The following LIMCH1 variants were observed in gnomAD, a reference collection of about 807,000 sequenced individuals.
LIMCH1 encodes LIM and calponin homology domains-containing protein 1.
Under a neutral mutation model 176.5 loss-of-function variants are expected in LIMCH1, and 113 were observed. That is an observed-to-expected ratio of 0.64 (90% CI 0.55 to 0.75). LIMCH1 has a LOEUF of 0.75. Among genes scored for constraint, LIMCH1 ranks in the 30% least tolerant of loss-of-function variants. The probability of loss-of-function intolerance (pLI) is 0.00; values close to 1 mark genes in which losing one functional copy is unlikely to be tolerated. For missense variants in LIMCH1, 1,674 were observed against 1,814.9 expected (o/e 0.92, Z 1.41); for synonymous variants, 619 against 645.9 (o/e 0.96, Z 0.63).
chr4:41,506,241 T>G (rs1331037712), intron 2 of LIMCH1, among the ~76,000 whole-genome samples: 1 of 152,230 alleles, frequency 6.6e-6, no homozygotes, highest in Non-Finnish European at 1.5e-5. Context: ...AGAAATCTGT[T>G]GGCAAACACT....
chr4:41,471,402 G>T (rs1287518357), intron 1 of LIMCH1, among the ~76,000 whole-genome samples: 1 of 152,142 alleles, frequency 6.6e-6, no homozygotes, highest in Non-Finnish European at 1.5e-5. Context: ...ATATTTCAAA[G>T]CAAGGACTTG....
chr4:41,647,967 A>T (rs1473424438), intron 17 of LIMCH1, among the ~76,000 whole-genome samples: 2 of 152,222 alleles, frequency 1.3e-5, no homozygotes, highest in Non-Finnish European at 2.9e-5. Context: ...GGTGCCCAGG[A>T]CAGAGTAGGC....
rs1560359538 is a variant in LIMCH1, at chr4:41,681,024, A to T, written c.3682A>T (p.Thr1228Ser). ...VSSSSADQLS[T>S]SSSMTEGSGT... ...TTCAAGTTCCGCTGACCAGCTGTCT[A>T]CCTCTTCCTCCATGACTGAAGGCAG... is the stretch of plus-strand genomic sequence containing the variant. Residue 1228 changes from threonine (T) to serine (S), a missense_variant, in exon 25 of 32, where the codon ACC becomes TCC. By Grantham distance (58) the Thr-to-Ser change is moderately conservative. Coordinates refer to ENST00000503057, the MANE Select transcript of LIMCH1 (RefSeq NM_001330672.2). 6.2e-7 allele frequency: 1 copy of T among 1,612,198 alleles called. No individual in the cohort carries two copies.
At chr4:41,385,388 GA>G (rs1350709384) in intron 1 of LIMCH1, among the ~76,000 whole-genome samples, 1 of 152,134 alleles carries the variant, frequency 6.6e-6, no homozygotes, top group South Asian at 2.1e-4. Flanking sequence ...TGATAATTTA[GA>G]TTTTTTTTCT....
At chr4:41,450,955 T>C (rs985797181) in intron 1 of LIMCH1, among the ~76,000 whole-genome samples, 1 of 152,124 alleles carries the variant, frequency 6.6e-6, no homozygotes, top group Non-Finnish European at 1.5e-5. Context: ...ATAGAGGAAG[T>C]GTAGAAGCTG....
chr4:41,591,105 G>C (rs2087467230), intron 1 of LIMCH1, among the ~76,000 whole-genome samples: 3 of 152,130 alleles, frequency 2.0e-5, no homozygotes, highest in Admixed American at 1.3e-4. Context: ...CATTATTGTT[G>C]GTTATGGGTT....
chr4:41,668,383 G>T (rs1002977358), intron 21 of LIMCH1, among the ~76,000 whole-genome samples: 7 of 152,194 alleles, frequency 4.6e-5, no homozygotes, highest in Non-Finnish European at 1.0e-4. Flanking sequence ...GCCAGCAAAT[G>T]GCCATATTTG....
rs1209259800 is a variant in LIMCH1 at position 41,626,884 on chromosome 4, C to G, written c.902C>G (p.Thr301Ser). ...FAARRARMNQ[T>S]KPMVPLNQLL... ...GCAAGGAGAGCAAGGATGAACCAAA[C>G]CAAGCCAATGGTGCCATTAAATCAA... The change falls in exon 8 of 32, where the codon ACC becomes AGC. Residue 301 changes from threonine to serine, a missense_variant. Thr to Ser is a moderately conservative substitution (Grantham distance 58, BLOSUM62 1). Transcript: ENST00000503057. 2 of 1,536,016 alleles carry G rather than the reference C, an allele frequency of 1.3e-6. No homozygotes were observed. The highest frequency in any genetic ancestry group is 1.7e-6 in the Non-Finnish European group (2 of 1,146,920).
chr4:41,665,128 C>G (rs780084656), intron 20 of LIMCH1, among the ~76,000 whole-genome samples: 1 of 152,118 alleles, frequency 6.6e-6, no homozygotes, highest in Non-Finnish European at 1.5e-5. Context: ...AGATAAAGGG[C>G]GAATGGTGGC....
intron 1 of LIMCH1, among the ~76,000 whole-genome samples, chr4:41,422,205 G>A (rs541637189): frequency 6.6e-5 from 10 of 152,236 alleles, no homozygotes; most frequent in Non-Finnish European, 1.0e-4. Flanking sequence ...CCTTAACAAT[G>A]GGTATCACCT....
intron 1 of LIMCH1, among the ~76,000 whole-genome samples, chr4:41,403,298 A>G (rs1467151788): frequency 1.3e-5 from 2 of 152,098 alleles, no homozygotes; most frequent in Non-Finnish European, 2.9e-5. Context: ...GGGACCCATC[A>G]CGCCGGGCAC....
In LIMCH1 at chr4:41,633,748, C is replaced by T; in HGVS notation, c.2030C>T (p.Pro677Leu). ...GSNPNQFLPV[P>L]FAKQQDVEES... ...AACCCAAACCAGTTCCTTCCAGTTC[C>T]ATTTGCAAAGCAACAGGATGTGGAA... The change falls in exon 13 of 32, where the codon CCA becomes CTA. Residue 677 changes from proline to leucine, a missense_variant. By Grantham distance (98) the Pro-to-Leu change is moderately conservative. Coordinates refer to ENST00000503057, the MANE Select transcript of LIMCH1 (RefSeq NM_001330672.2). 2 of 1,536,178 alleles carry T rather than the reference C, an allele frequency of 1.3e-6. No homozygotes were observed. Among genetic ancestry groups the T allele is most frequent in the Non-Finnish European group, 1.7e-6 (2 of 1,146,908 alleles).
chr4:41,610,156 T>C (rs2091258172), intron 4 of LIMCH1, among the ~76,000 whole-genome samples: 1 of 152,196 alleles, frequency 6.6e-6, no homozygotes, highest in African/African-American at 2.4e-5. Flanking sequence ...CCCATAACTA[T>C]CTGTGAGAAA....
At position 41,491,578 on chromosome 4, in the gene LIMCH1, C is replaced by T. The variant is rs1388670460; in HGVS notation, c.97-2958C>T. 6.5e-5 allele frequency among the ~76,000 whole-genome samples: 9 copies of T among 137,696 alleles called. No homozygotes were observed. The East Asian group carries it at 7.1e-4, about 11-fold the overall frequency. 90.3% of individuals were successfully genotyped at this position (137,696 alleles called of 152,430 possible). ...CGCTCCTCACATCCCAGACGATGAG[C>T]GGTCAGGCAGAGACGCTCCTCACTT... is the stretch of plus-strand genomic sequence containing the variant. On this transcript the variant is annotated intron_variant, in intron 1 of 26. Transcript: ENST00000313860.
chr4:41,453,954 C>T (rs2064203771), intron 1 of LIMCH1, among the ~76,000 whole-genome samples: 1 of 152,114 alleles, frequency 6.6e-6, no homozygotes, highest in Non-Finnish European at 1.5e-5. Flanking sequence ...CCCTTCTCTC[C>T]TTGCCCCGCC....
At chr4:41,669,948 C>T (rs906231804) in intron 21 of LIMCH1, among the ~76,000 whole-genome samples, 2 of 152,164 alleles carry the variant, frequency 1.3e-5, no homozygotes, top group African/African-American at 4.8e-5. Context: ...ATAGACTGGT[C>T]ATACAGGTCA....
At chr4:41,477,149 A>G (rs180709706) in intron 1 of LIMCH1, among the ~76,000 whole-genome samples, 1 of 152,180 alleles carries the variant, frequency 6.6e-6, no homozygotes, top group African/African-American at 2.4e-5. Context: ...CCTGCTAGCT[A>G]TAGGAAATTG....
intron 1 of LIMCH1, among the ~76,000 whole-genome samples, chr4:41,483,819 C>T (rs536301118): frequency 4.6e-5 from 7 of 152,232 alleles, no homozygotes; most frequent in Non-Finnish European, 7.3e-5. Flanking sequence ...CCTTCCCTGA[C>T]TGTCTTAGGA....
intron 1 of LIMCH1, among the ~76,000 whole-genome samples, chr4:41,469,095 C>T (rs1244170886): frequency 1.3e-5 from 2 of 152,170 alleles, no homozygotes; most frequent in Admixed American, 6.5e-5. Context: ...GTCATCTGTG[C>T]ATCCACTGGG....
Sources: allele counts gnomAD v4.1 joint callset (sites outside exome capture counted in the v4.1 genomes callset), GRCh38; gene constraint gnomAD v4.1.1; transcripts MANE v1.5; gene names NCBI Gene and HGNC (gene_info 2026-07-23, HGNC 2026-07-21).